The following GHR variants were observed in gnomAD, a reference collection of about 807,000 sequenced individuals.
GHR encodes the protein GH receptor.
In GHR, 35 loss-of-function variants were observed where a neutral mutation model predicts 67.1. That is an observed-to-expected ratio of 0.52 (90% CI 0.40 to 0.69). The LOEUF (loss-of-function observed/expected upper bound fraction) is 0.69, where lower values mean the gene tolerates loss of function less well. GHR is among the 30% of genes least tolerant of loss of function. The pLI, the probability that GHR is intolerant of heterozygous loss-of-function variation, is 0.00. For synonymous variants in GHR, 272 were observed against 269.1 expected, an observed-to-expected ratio of 1.01 and a Z score of -0.10; for missense variants, 792 against 764.6, an observed-to-expected ratio of 1.04 and a Z score of -0.42.
At chr5:42,558,104 C>G (rs1486481974) in intron 1 of GHR, among the ~76,000 whole-genome samples, 1 of 151,988 alleles carries the variant, frequency 6.6e-6, no homozygotes, top group African/African-American at 2.4e-5. Flanking sequence ...AAACATTTAC[C>G]AGTACACCAC....
intron 2 of GHR, among the ~76,000 whole-genome samples, chr5:42,566,639 A>G (rs904144873): frequency 1.3e-5 from 2 of 151,852 alleles, no homozygotes; most frequent in African/African-American, 2.4e-5. Flanking sequence ...TTTCTGTCAG[A>G]AAGAAAACTG....
At chr5:42,467,775 A>G in intron 1 of GHR, 1 of 1,526,512 alleles carries the variant, frequency 6.6e-7, no homozygotes, top group Non-Finnish European at 9.0e-7. Flanking sequence ...CACTCTGACT[A>G]AATCCTTTCC....
chr5:42,668,782 A>G (rs1221816660), intron 3 of GHR, among the ~76,000 whole-genome samples: 1 of 152,100 alleles, frequency 6.6e-6, no homozygotes, highest in African/African-American at 2.4e-5. Flanking sequence ...TTGCATGCCA[A>G]TGCTCCTCAG....
In GHR at chr5:42,431,326, G is replaced by A. The variant is rs937353381; in HGVS notation, c.-12+7371G>A. 5.9e-5 allele frequency among the ~76,000 whole-genome samples: 9 copies of A among 152,030 alleles called. No homozygotes were observed. The East Asian group carries it at 1.5e-3, about 26-fold the overall frequency. Reference sequence around the variant, plus strand: ...CTTTTGTTGTTGTTTTTTTCTTTGTGCTAAAGAAAATTCATTGATGAGTAC... The same window carrying A: ...CTTTTGTTGTTGTTTTTTTCTTTGTACTAAAGAAAATTCATTGATGAGTAC... On this transcript the variant is annotated intron_variant, in intron 1 of 9. Coordinates refer to ENST00000230882, the MANE Select transcript of GHR (RefSeq NM_000163.5).
chr5:42,454,093 T>C (rs906500438), intron 1 of GHR, among the ~76,000 whole-genome samples: 2 of 152,222 alleles, frequency 1.3e-5, no homozygotes, highest in African/African-American at 4.8e-5. Flanking sequence ...CCAATGGAGT[T>C]ACCAGGCTCT....
At chr5:42,492,758 T>G (rs1219050857) in intron 1 of GHR, among the ~76,000 whole-genome samples, 1 of 152,178 alleles carries the variant, frequency 6.6e-6, no homozygotes, top group African/African-American at 2.4e-5. Context: ...GTATCACAGC[T>G]TAAAGGTACT....
chr5:42,436,408 G>C (rs980275138), intron 1 of GHR, among the ~76,000 whole-genome samples: 1 of 152,132 alleles, frequency 6.6e-6, no homozygotes, highest in Non-Finnish European at 1.5e-5. Flanking sequence ...CAGCAGACCT[G>C]GATGCATGGT....
At chr5:42,653,737 G>A (rs759306423) in intron 3 of GHR, among the ~76,000 whole-genome samples, 15 of 152,102 alleles carry the variant, frequency 9.9e-5, no homozygotes, top group Non-Finnish European at 1.2e-4. Flanking sequence ...CATTGCTCTA[G>A]GGGGATATTA....
At chr5:42,441,791 G>A (rs1743591815) in intron 1 of GHR, among the ~76,000 whole-genome samples, 1 of 152,198 alleles carries the variant, frequency 6.6e-6, no homozygotes, top group South Asian at 2.1e-4. Flanking sequence ...TTACAGGTGT[G>A]AGCCACCACT....
At chr5:42,602,490 A>G (rs535248892) in intron 2 of GHR, among the ~76,000 whole-genome samples, 1 of 152,202 alleles carries the variant, frequency 6.6e-6, no homozygotes, top group Non-Finnish European at 1.5e-5. Context: ...TTTTTTATTG[A>G]GGAGTTTAGA....
chr5:42,651,390 G>A (rs1755010817), intron 3 of GHR, among the ~76,000 whole-genome samples: 2 of 152,164 alleles, frequency 1.3e-5, no homozygotes, highest in Non-Finnish European at 2.9e-5. Flanking sequence ...GCAGTGTTGA[G>A]AATGAAACAG....
intron 6 of GHR, 23 bp downstream of exon 6, chr5:42,700,025 A>T: frequency 6.9e-7 from 1 of 1,457,840 alleles, no homozygotes. Flanking sequence ...TACACCTTAC[A>T]CTTTGACTTT....
chr5:42,612,654 G>C (rs887448218), intron 2 of GHR, among the ~76,000 whole-genome samples: 2 of 152,036 alleles, frequency 1.3e-5, no homozygotes, highest in African/African-American at 4.8e-5. Flanking sequence ...CAGAAACAAA[G>C]AGTATAAACA....
chr5:42,683,722 G>T (rs1235595455), intron 3 of GHR, among the ~76,000 whole-genome samples: 3 of 152,148 alleles, frequency 2.0e-5, no homozygotes, highest in African/African-American at 7.2e-5. Flanking sequence ...GGAAGGGAAA[G>T]AAAGACATTT....
chr5:42,587,680 T>A (rs527844739), intron 2 of GHR, among the ~76,000 whole-genome samples: 1 of 152,072 alleles, frequency 6.6e-6, no homozygotes, highest in African/African-American at 2.4e-5. Flanking sequence ...TTGTTTTTTT[T>A]TTGTTTTTTT....
At chr5:42,639,778 T>C (rs1475950031) in intron 3 of GHR, among the ~76,000 whole-genome samples, 2 of 152,146 alleles carry the variant, frequency 1.3e-5, no homozygotes, top group African/African-American at 4.8e-5. Context: ...TATCTTCCTT[T>C]CTAGATTGTA....
intron 1 of GHR, among the ~76,000 whole-genome samples, chr5:42,463,985 T>A (rs1259732449): frequency 1.2e-5 from 1 of 86,306 alleles, no homozygotes; most frequent in African/African-American, 5.1e-5. Context: ...AGAGCGAGAC[T>A]CCGTCTCAAA....
At chr5:42,532,386 T>G (rs1398769741) in intron 1 of GHR, among the ~76,000 whole-genome samples, 1 of 148,706 alleles carries the variant, frequency 6.7e-6, no homozygotes, top group Non-Finnish European at 1.5e-5. Flanking sequence ...GAAATATATT[T>G]TAGCATACAA....
At chr5:42,439,527 A>G (rs1319330268) in intron 1 of GHR, among the ~76,000 whole-genome samples, 1 of 152,220 alleles carries the variant, frequency 6.6e-6, no homozygotes, top group African/African-American at 2.4e-5. Flanking sequence ...ACTTTGATTA[A>G]TATCTTTAGT....
Sources: gnomAD v4.1 joint callset for allele counts (sites outside exome capture counted in the v4.1 genomes callset) on GRCh38, gnomAD v4.1.1 for gene constraint, MANE v1.5 for transcripts, NCBI Gene and HGNC (gene_info 2026-07-23, HGNC 2026-07-21) for gene names.